ELP4: variants seen among roughly 807,000 people sequenced by gnomAD.
ELP4 encodes elongator complex protein 4.
A neutral mutation model predicts 48.9 loss-of-function variants in ELP4; 51 were observed. That is an observed-to-expected ratio of 1.04 (90% CI 0.83 to 1.32). The LOEUF (loss-of-function observed/expected upper bound fraction) is 1.32, where lower values mean the gene tolerates loss of function less well. Among genes scored for constraint, ELP4 ranks in the 40% most tolerant of loss-of-function variants. The pLI is 0.00. For missense variants in ELP4, 519 were observed against 514.6 expected, an observed-to-expected ratio of 1.01 and a Z score of -0.08; for synonymous variants, 210 against 189.2, an observed-to-expected ratio of 1.11 and a Z score of -0.90.
At chr11:31,694,498 C>T in intron 9 of ELP4, among the ~76,000 whole-genome samples, 1 of 152,080 alleles carries the variant, frequency 6.6e-6, no homozygotes. Context: ...TTTCTGAGGG[C>T]TCTGTTCTGT....
chr11:31,547,330 A>G (rs988120561), intron 3 of ELP4, among the ~76,000 whole-genome samples: 44 of 152,294 alleles, frequency 2.9e-4, no homozygotes, highest in African/African-American at 5.5e-4. Flanking sequence ...CAGAAATACA[A>G]ACTACCATCA....
chr11:31,714,595 G>A, intron 9 of ELP4: 1 of 398,328 alleles, frequency 2.5e-6, no homozygotes, highest in Non-Finnish European at 4.4e-6. Context: ...TTAGTGGGTT[G>A]AACAATACAA....
intron 3 of ELP4, among the ~76,000 whole-genome samples, chr11:31,550,106 A>G (rs1956817884): frequency 6.6e-6 from 1 of 152,138 alleles, no homozygotes; most frequent in African/African-American, 2.4e-5. Flanking sequence ...CATTGTGCAC[A>G]TGTACCCTAA....
chr11:31,515,968 G>A (rs1038718174), intron 1 of ELP4, among the ~76,000 whole-genome samples: 5 of 152,224 alleles, frequency 3.3e-5, no homozygotes, highest in South Asian at 2.1e-4. Flanking sequence ...AAAATTTGCC[G>A]GGTGTAGTGG....
intron 7 of ELP4, among the ~76,000 whole-genome samples, chr11:31,641,108 C>T (rs7480296): frequency 0.93 from 141,329 of 151,992 alleles, 66,307 homozygotes; most frequent in South Asian, 1. Context: ...ATTTAGCAAA[C>T]TTTTTGTGTC....
At chr11:31,663,702 G>A (rs1945609890) in intron 9 of ELP4, 2 of 151,964 alleles carry the variant, frequency 1.3e-5, no homozygotes, top group South Asian at 4.2e-4. Flanking sequence ...TTTAATGTAG[G>A]AATTTCTTAG....
In ELP4 at chr11:31,642,210, A is replaced by G. The variant is rs552341933; in HGVS notation, c.928-5531A>G. Among the ~76,000 whole-genome samples, 269 of 152,104 alleles carry G rather than the reference A, an allele frequency of 1.8e-3. 1 individual carries two copies. Among genetic ancestry groups the G allele is most frequent in the Non-Finnish European group, 3.2e-3 (218 of 67,920 alleles). On this transcript the variant is annotated intron_variant, in intron 7 of 9. Coordinates refer to ENST00000640961, the MANE Select transcript of ELP4 (RefSeq NM_019040.5). The stretch of plus-strand genomic sequence containing the variant: ...AGTTTTTGTAATGTTTTATAGAATA[A>G]CTTACTGAAAAAGAAACAAAACTAA...
At position 31,608,441 on chromosome 11, in the gene ELP4, GGT is replaced by G; in HGVS notation, c.653+4539_653+4540del. On this transcript the variant is annotated intron_variant, in intron 5 of 9. Transcript: ENST00000640961. ...TTTATGATGGGTTGTAAGCCTTTTT[GGT>G]GTGTTAGGGAAATGGGGTATTGGGG... 2.0e-5 allele frequency among the ~76,000 whole-genome samples: 3 copies of G among 152,152 alleles called. No homozygotes were observed. In the East Asian group the frequency reaches 5.8e-4, roughly 29 times the overall value.
At chr11:31,744,608 T>A (rs1272837213) in intron 9 of ELP4, among the ~76,000 whole-genome samples, 2 of 152,066 alleles carry the variant, frequency 1.3e-5, no homozygotes, top group African/African-American at 4.8e-5. Context: ...TAAATGTAAT[T>A]CTGCATTTAA....
At chr11:31,644,856 C>G (rs967982163) in intron 7 of ELP4, among the ~76,000 whole-genome samples, 27 of 151,824 alleles carry the variant, frequency 1.8e-4, no homozygotes, top group Admixed American at 5.3e-4. Context: ...TGCTCCTACA[C>G]ATAACTAGAA....
intron 2 of ELP4, among the ~76,000 whole-genome samples, chr11:31,535,729 C>T (rs1956489457): frequency 6.6e-6 from 1 of 152,186 alleles, no homozygotes; most frequent in African/African-American, 2.4e-5. Context: ...ACTTCTGTCA[C>T]CATAAAGTGT....
chr11:31,729,308 G>A (rs541282341), intron 9 of ELP4, among the ~76,000 whole-genome samples: 13 of 152,158 alleles, frequency 8.5e-5, no homozygotes, highest in African/African-American at 2.2e-4. Flanking sequence ...GATTGTTTCC[G>A]CAATTAGTAT....
intron 3 of ELP4, among the ~76,000 whole-genome samples, chr11:31,561,754 A>G (rs1957028227): frequency 6.6e-6 from 1 of 152,108 alleles, no homozygotes; most frequent in Non-Finnish European, 1.5e-5. Context: ...TGAAGAGCAC[A>G]TTTTAAAATA....
rs935639068 is a variant in ELP4, at chr11:31,527,734, T to A, written c.259+7643T>A. On this transcript the variant is annotated intron_variant, in intron 2 of 9. Transcript: ENST00000640961. Reference sequence around the variant, plus strand: ...CCCTTGCCTCAGTTCATTATCATAATGTTGCCAGAATGCACTTTCTAATAT... The same window carrying A: ...CCCTTGCCTCAGTTCATTATCATAAAGTTGCCAGAATGCACTTTCTAATAT... Among the ~76,000 whole-genome samples, 5 of 152,110 alleles carry A rather than the reference T, an allele frequency of 3.3e-5. 1 individual carries two copies. The highest frequency in any genetic ancestry group is 2.0e-4 in the Admixed American group (3 of 15,268).
intron 9 of ELP4, among the ~76,000 whole-genome samples, chr11:31,707,987 C>T (rs766566075): frequency 2.0e-5 from 3 of 152,164 alleles, no homozygotes; most frequent in Non-Finnish European, 2.9e-5. Flanking sequence ...GTAACATTCA[C>T]GGATTCCAGG....
chr11:31,589,779 T>C (rs1957538239), intron 3 of ELP4, among the ~76,000 whole-genome samples: 1 of 152,230 alleles, frequency 6.6e-6, no homozygotes, highest in Admixed American at 6.5e-5. Flanking sequence ...CTAAGTTTAT[T>C]AAAATGGAGT....
chr11:31,667,267 AAAGTTT>A (rs1945700251), intron 9 of ELP4, among the ~76,000 whole-genome samples: 1 of 152,188 alleles, frequency 6.6e-6, no homozygotes, highest in Non-Finnish European at 1.5e-5. Context: ...ACTTTTAATT[AAAGTTT>A]ATTATTCCCT....
At chr11:31,624,513 A>G (rs1944699020) in intron 5 of ELP4, among the ~76,000 whole-genome samples, 1 of 151,588 alleles carries the variant, frequency 6.6e-6, no homozygotes, top group Non-Finnish European at 1.5e-5. Flanking sequence ...GCTCTGGGTG[A>G]GTCAGTAAAG....
At chr11:31,735,949 T>G (rs993142670) in intron 9 of ELP4, among the ~76,000 whole-genome samples, 23 of 152,288 alleles carry the variant, frequency 1.5e-4, no homozygotes, top group African/African-American at 5.3e-4. Context: ...TACCAATGAC[T>G]TTCTTCACAG....
Sources: gnomAD v4.1 joint callset for allele counts (sites outside exome capture counted in the v4.1 genomes callset) on GRCh38, gnomAD v4.1.1 for gene constraint, MANE v1.5 for transcripts, NCBI Gene and HGNC (gene_info 2026-07-23, HGNC 2026-07-21) for gene names.